The following TMPRSS11D variants were observed in gnomAD, a reference collection of about 807,000 sequenced individuals.
TMPRSS11D encodes the protein transmembrane protease serine 11D.
A neutral mutation model predicts 44.4 loss-of-function variants in TMPRSS11D; 32 were observed. That is an observed-to-expected ratio of 0.72 (90% CI 0.54 to 0.97). The LOEUF is 0.97. TMPRSS11D is among the 50% of genes least tolerant of loss of function. The pLI is 0.00. For missense variants in TMPRSS11D, 446 were observed against 502.6 expected (o/e 0.89, Z 1.08); for synonymous variants, 179 against 177.9 (o/e 1.01, Z -0.05).
chr4:67,840,903 T>C (rs1015973470), intron 4 of TMPRSS11D, among the ~76,000 whole-genome samples: 1 of 152,080 alleles, frequency 6.6e-6, no homozygotes, highest in South Asian at 2.1e-4. Context: ...CTCATTGAAA[T>C]TGAAAACGCA....
At chr4:67,829,360 C>A (rs908736327) in intron 7 of TMPRSS11D, among the ~76,000 whole-genome samples, 1 of 151,262 alleles carries the variant, frequency 6.6e-6, no homozygotes, top group South Asian at 2.1e-4. Context: ...ACTTATCGAA[C>A]TCCCCTCATA....
At chr4:67,878,832 A>G (rs1350318730) in intron 1 of TMPRSS11D, among the ~76,000 whole-genome samples, 3 of 152,130 alleles carry the variant, frequency 2.0e-5, no homozygotes. Context: ...AGGCTAAGGC[A>G]GGAGAATCAC....
At chr4:67,881,033 T>C (rs1719308428) in intron 1 of TMPRSS11D, among the ~76,000 whole-genome samples, 2 of 152,192 alleles carry the variant, frequency 1.3e-5, no homozygotes, top group Non-Finnish European at 2.9e-5. Flanking sequence ...GTTTTACATG[T>C]CATGAGCATA....
At chr4:67,850,942 C>A (rs1007922303) in intron 3 of TMPRSS11D, among the ~76,000 whole-genome samples, 3 of 152,192 alleles carry the variant, frequency 2.0e-5, no homozygotes. Context: ...GTAGATCTCA[C>A]TGGACCCATG....
chr4:67,823,979 A>G (rs1717718330), intron 9 of TMPRSS11D, among the ~76,000 whole-genome samples: 1 of 152,152 alleles, frequency 6.6e-6, no homozygotes, highest in African/African-American at 2.4e-5. Flanking sequence ...CTTGTAGACC[A>G]TAGACTTGCT....
At chr4:67,869,672 A>G (rs1196427958) in intron 1 of TMPRSS11D, among the ~76,000 whole-genome samples, 1 of 152,220 alleles carries the variant, frequency 6.6e-6, no homozygotes, top group Non-Finnish European at 1.5e-5. Context: ...TTACTAGCAT[A>G]TGCTAATTCT....
chr4:67,838,154 A>C lies in TMPRSS11D; in HGVS notation c.475+18T>G. 1 of 1,482,442 alleles carries C rather than the reference A, an allele frequency of 6.7e-7. No homozygotes were observed. The highest frequency in any genetic ancestry group is 9.0e-7 in the Non-Finnish European group (1 of 1,115,378). 91.8% of individuals were successfully genotyped at this position (1,482,442 alleles called of 1,614,324 possible). A position where few individuals can be genotyped will look rare whatever the true frequency, so the allele number is the denominator to read the frequency against. ...GGGATATATTGAAATAAAATTGTTT[A>C]TGAAAAATTATACTTACATGTTATC... is the stretch of plus-strand genomic sequence containing the variant. On this transcript the variant is annotated intron_variant, in intron 5 of 9. Transcript: ENST00000283916.
chr4:67,868,199 C>T (rs1230488597), intron 1 of TMPRSS11D, among the ~76,000 whole-genome samples: 38 of 152,088 alleles, frequency 2.5e-4, no homozygotes, highest in African/African-American at 9.2e-4. Flanking sequence ...TGAAACAACT[C>T]AGAAACAAAA....
At chr4:67,860,721 A>G (rs189768995) in intron 1 of TMPRSS11D, among the ~76,000 whole-genome samples, 2 of 152,268 alleles carry the variant, frequency 1.3e-5, no homozygotes, top group Admixed American at 1.3e-4. Context: ...AAAAGCCTCA[A>G]TAGAGCTGAG....
chr4:67,854,404 G>A (rs956313100), intron 2 of TMPRSS11D, among the ~76,000 whole-genome samples: 12 of 151,816 alleles, frequency 7.9e-5, no homozygotes, highest in African/African-American at 2.7e-4. Context: ...TTAAAAATCA[G>A]AGTGGTATTA....
At chr4:67,847,157 G>A (rs941031485) in intron 3 of TMPRSS11D, among the ~76,000 whole-genome samples, 4 of 152,180 alleles carry the variant, frequency 2.6e-5, no homozygotes, top group Non-Finnish European at 4.4e-5. Flanking sequence ...GCCCACGTCG[G>A]CCTCCCAAAG....
At chr4:67,829,114 C>T (rs1717879197) in intron 7 of TMPRSS11D, among the ~76,000 whole-genome samples, 1 of 152,012 alleles carries the variant, frequency 6.6e-6, no homozygotes, top group South Asian at 2.1e-4. Context: ...TATTTTTGTT[C>T]CCTAATCTTA....
intron 2 of TMPRSS11D, among the ~76,000 whole-genome samples, chr4:67,855,737 G>T (rs1718621023): frequency 6.6e-6 from 1 of 151,882 alleles, no homozygotes; most frequent in Admixed American, 6.6e-5. Context: ...ATTCAAATTG[G>T]AAAAGAAGTT....
rs147086157 is a variant in TMPRSS11D, at chr4:67,824,965, T to A, written c.1095+767A>T. ...ATCAATTATGTTTAGATAATTTAAT[T>A]TAAAATTTTAGAATTCAAATTTGAT... is the stretch of plus-strand genomic sequence containing the variant. On this transcript the variant is annotated intron_variant, in intron 9 of 9. Coordinates refer to ENST00000283916, the MANE Select transcript of TMPRSS11D (RefSeq NM_004262.3). Among the ~76,000 whole-genome samples, 536 of 152,258 alleles carry A rather than the reference T, an allele frequency of 3.5e-3. 3 individuals are homozygous for A. The highest frequency in any genetic ancestry group is 0.012 in the African/African-American group (504 of 41,562).
chr4:67,857,078 T>A (rs564136184), intron 2 of TMPRSS11D, among the ~76,000 whole-genome samples: 1 of 152,096 alleles, frequency 6.6e-6, no homozygotes, highest in East Asian at 1.9e-4. Flanking sequence ...GGTATTGAGA[T>A]TTCTCATAAA....
chr4:67,826,091 T>C lies in TMPRSS11D; in HGVS notation c.953-217A>G, dbSNP rs141947099. Among the ~76,000 whole-genome samples the C allele has an allele frequency of 1.7e-3, 253 of 152,194 alleles. 1 individual carries two copies. The highest frequency in any genetic ancestry group is 5.8e-3 in the African/African-American group (240 of 41,540). On this transcript the variant is annotated intron_variant, in intron 8 of 9. Coordinates refer to ENST00000283916, the MANE Select transcript of TMPRSS11D (RefSeq NM_004262.3). ...GATCAGTTTTTTTTTCTTTTTTTTC[T>C]TTAGCTTTGTGACACAGTGCCCCTT... is the stretch of plus-strand genomic sequence containing the variant.
intron 3 of TMPRSS11D, among the ~76,000 whole-genome samples, chr4:67,844,793 AAAG>A (rs1490953128): frequency 1.3e-5 from 2 of 152,260 alleles, no homozygotes; most frequent in East Asian, 1.9e-4. Flanking sequence ...AAAGGAAAAA[AAAG>A]AAGAAGGCAA....
chr4:67,879,354 G>A (rs377362755), intron 1 of TMPRSS11D, among the ~76,000 whole-genome samples: 8 of 151,314 alleles, frequency 5.3e-5, no homozygotes, highest in Admixed American at 3.3e-4. Context: ...AGTGGTAGGC[G>A]CCTGTAGACC....
In TMPRSS11D at chr4:67,822,482, G is replaced by C. The variant is rs755003148; in HGVS notation, c.1112C>G (p.Pro371Arg). 2 of 1,613,768 alleles carry C rather than the reference G, an allele frequency of 1.2e-6. No homozygotes were observed. The highest frequency in any genetic ancestry group is 8.5e-7 in the Non-Finnish European group (1 of 1,179,832). Residue 371 changes from proline to arginine, a missense_variant, in exon 10 of 10, where the codon CCA (proline) becomes CGA (arginine). By Grantham distance (103) the Pro-to-Arg change is moderately radical. Transcript: ENST00000283916. ...CCGCCGTGAGTCTTCTTGTACTAGT[G>C]GGCCACCAGAGTCACCCTGTAAAAA... ...VDACQGDSGG[P>R]LVQEDSRRLW...
Sources: allele counts gnomAD v4.1 joint callset (sites outside exome capture counted in the v4.1 genomes callset), GRCh38; gene constraint gnomAD v4.1.1; transcripts MANE v1.5; gene names NCBI Gene and HGNC (gene_info 2026-07-23, HGNC 2026-07-21).